Variants in TBRG1 observed in about 807,000 individuals in gnomAD.
The protein encoded by TBRG1 is transforming growth factor beta regulator 1.
TBRG1 carries 31 observed loss-of-function variants against 44.0 expected under a neutral mutation model. The observed-to-expected ratio is 0.70, with a 90% CI of 0.53 to 0.95. TBRG1 has a LOEUF of 0.95. Ranked by LOEUF, TBRG1 falls within the 40% of genes least tolerant of loss-of-function variation. The probability of loss-of-function intolerance (pLI) is 0.00; values close to 1 mark genes in which losing one functional copy is unlikely to be tolerated. For synonymous variants in TBRG1, 171 were observed against 188.1 expected (o/e 0.91, Z 0.74); for missense variants, 487 against 496.1 (o/e 0.98, Z 0.18).
At chr11:124,626,323 C>A in intron 3 of TBRG1, 150 bp from the exon 4 acceptor site, 1 of 737,410 alleles carries the variant, frequency 1.4e-6, no homozygotes, top group Non-Finnish European at 2.2e-6. Context: ...GAAAGCTACT[C>A]AGGGCTTTGG....
chr11:124,633,855 G>A lies in TBRG1; in HGVS notation c.*1617G>A, dbSNP rs1942663158. On this transcript the variant is annotated 3_prime_UTR_variant, in exon 9 of 9. Coordinates refer to ENST00000441174, the MANE Select transcript of TBRG1 (RefSeq NM_032811.3). Reference sequence around the variant, plus strand: ...TAACAAATATTTTCCCACTATTACAGCCTGAGTAATACCCGTATTAAAAGA... The same window carrying A: ...TAACAAATATTTTCCCACTATTACAACCTGAGTAATACCCGTATTAAAAGA... 1 of 152,012 alleles carries A rather than the reference G, an allele frequency of 6.6e-6. No individual in the cohort carries two copies. Among genetic ancestry groups the A allele is most frequent in the Admixed American group, 6.6e-5 (1 of 15,256 alleles). The allele number at this position is 152,012 out of a possible 1,614,324, so 9.4% of individuals were successfully genotyped here. A position where few individuals can be genotyped will look rare whatever the true frequency, so the allele number is the denominator to read the frequency against.
chr11:124,630,479 C>G lies in TBRG1; in HGVS notation c.830C>G (p.Thr277Ser). 1 of 1,610,494 alleles carries G rather than the reference C, an allele frequency of 6.2e-7. No individual in the cohort carries two copies. Among genetic ancestry groups the G allele is most frequent in the East Asian group, 2.2e-5 (1 of 44,838 alleles). The stretch of plus-strand genomic sequence containing the variant: ...GCAGAACTGCTCAGGACTATAAGCA[C>G]TACTATGTAAGTTGACCAAAAGCTT... ...CHAELLRTIS[T>S]TMGKLMPNLL... Residue 277 changes from threonine to serine, a missense_variant, in exon 6 of 9, where the codon ACT becomes AGT. By Grantham distance (58) the Thr-to-Ser change is moderately conservative. Transcript: ENST00000441174.
At chr11:124,624,555 T>C (rs1190345477) in intron 1 of TBRG1, among the ~76,000 whole-genome samples, 1 of 152,178 alleles carries the variant, frequency 6.6e-6, no homozygotes, top group Non-Finnish European at 1.5e-5. Context: ...TTATAGTATT[T>C]AATTTAAGCA....
rs1278212390 is a variant in TBRG1, at chr11:124,633,916, C to T, written c.*1678C>T. On this transcript the variant is annotated 3_prime_UTR_variant, in exon 9 of 9. Transcript: ENST00000441174. ...AGAAAGACATTTAAAATTTTTGGAA[C>T]ATACCACATGTAGAAAGGTTGAACT... is the stretch of plus-strand genomic sequence containing the variant. The T allele has an allele frequency of 1.3e-5, 2 of 152,184 alleles. No homozygotes were observed. The highest frequency in any genetic ancestry group is 2.9e-5 in the Non-Finnish European group (2 of 68,046). 9.4% of individuals were successfully genotyped at this position (152,184 alleles called of 1,614,324 possible). A position where few individuals can be genotyped will look rare whatever the true frequency, so the allele number is the denominator to read the frequency against.
chr11:124,630,289 C>G (rs992551209), intron 5 of TBRG1, 99 bp from the exon 6 acceptor site: 10 of 830,886 alleles, frequency 1.2e-5, no homozygotes, highest in Admixed American at 3.4e-5. Flanking sequence ...TGGTATACGT[C>G]AGCTTCACGT....
At position 124,626,891 on chromosome 11, in the gene TBRG1, A is replaced by G; in HGVS notation, c.592-13A>G. 1 of 1,601,712 alleles carries G rather than the reference A, an allele frequency of 6.2e-7. No individual in the cohort carries two copies. Among genetic ancestry groups the G allele is most frequent in the South Asian group, 1.1e-5 (1 of 88,362 alleles). On this transcript the variant is annotated splice_polypyrimidine_tract_variant and intron_variant, in intron 4 of 8. Coordinates refer to ENST00000441174, the MANE Select transcript of TBRG1 (RefSeq NM_032811.3). ...GTGACCTCAATCCCAGGTTGGGGGAATGTTTTTTATAGATCATCACCGACC... is the reference window on the plus strand; with the variant it reads ...GTGACCTCAATCCCAGGTTGGGGGAGTGTTTTTTATAGATCATCACCGACC...
Position 124,635,894 on chromosome 11 carries a change from T to G in TBRG1, c.*3656T>G, listed in dbSNP as rs1423131522. 3 of 152,244 alleles carry G rather than the reference T, an allele frequency of 2.0e-5. No homozygotes were observed. Among genetic ancestry groups the G allele is most frequent in the East Asian group, 3.8e-4 (2 of 5,204 alleles). The allele number at this position is 152,244 out of a possible 1,614,324, so 9.4% of individuals were successfully genotyped here. ...AATCCATCAGTAAACTGCATTAAGA[T>G]TCTTAATAAACAAACACTGAAGGCC... On this transcript the variant is annotated 3_prime_UTR_variant, in exon 9 of 9. Coordinates refer to ENST00000441174, the MANE Select transcript of TBRG1 (RefSeq NM_032811.3).
rs747472327 is a variant in TBRG1, at chr11:124,626,494, A to G, written c.476A>G (p.Lys159Arg). The stretch of plus-strand genomic sequence containing the variant: ...TCAGTTCTGAAGAAAACATGCAAGA[A>G]AAAGAAAATGGCGGGAGGTGCTCGC... ...KLEVLKKTCK[K>R]KKMAGGARKL... Residue 159 changes from lysine to arginine, a missense_variant, in exon 4 of 9, where the codon AAA (lysine) becomes AGA (arginine). By Grantham distance (26) the Lys-to-Arg change is conservative. Transcript: ENST00000441174. 2 of 1,546,818 alleles carry G rather than the reference A, an allele frequency of 1.3e-6. No individual in the cohort carries two copies. The highest frequency in any genetic ancestry group is 2.4e-5 in the East Asian group (1 of 40,868).
chr11:124,629,207 C>T (rs1336388196), intron 5 of TBRG1, among the ~76,000 whole-genome samples: 3 of 152,136 alleles, frequency 2.0e-5, no homozygotes, highest in Admixed American at 6.5e-5. Flanking sequence ...GGCCTGGTGG[C>T]GTGCGCCTGT....
At position 124,623,019 on chromosome 11, in the gene TBRG1, G is replaced by A. The variant is rs1942372750; in HGVS notation, c.-65G>A. 5.5e-6 allele frequency: 8 copies of A among 1,460,336 alleles called. No individual in the cohort carries two copies. Among genetic ancestry groups the A allele is most frequent in the Middle Eastern group, 2.3e-4 (1 of 4,300 alleles). The allele number at this position is 1,460,336 out of a possible 1,614,324, so 90.5% of individuals were successfully genotyped here. ...CGGAACAGACAAAGCCAGCGCTCCCGCCCGCTCCCCGACTTAGGATCCGAT... is the reference window on the plus strand; with the variant it reads ...CGGAACAGACAAAGCCAGCGCTCCCACCCGCTCCCCGACTTAGGATCCGAT... On this transcript the variant is annotated 5_prime_UTR_variant, in exon 1 of 9. Coordinates refer to ENST00000441174, the MANE Select transcript of TBRG1 (RefSeq NM_032811.3).
At chr11:124,627,286 C>G (rs1403332116) in intron 5 of TBRG1, among the ~76,000 whole-genome samples, 1 of 152,178 alleles carries the variant, frequency 6.6e-6, no homozygotes, top group African/African-American at 2.4e-5. Context: ...TTGAACCATG[C>G]TACTTCAACT....
chr11:124,625,971 A>G (rs1225901133), intron 3 of TBRG1, 68 bp downstream of exon 3: 1 of 1,468,186 alleles, frequency 6.8e-7, no homozygotes, highest in African/African-American at 1.4e-5. Context: ...ACCTGGTACT[A>G]ACTGACAGAC....
At position 124,623,163 on chromosome 11, in the gene TBRG1, A is replaced by AT; in HGVS notation, c.80_81insT (p.Lys27AsnfsTer6). The AT allele has an allele frequency of 6.4e-7, 1 of 1,551,698 alleles. No homozygotes were observed. Among genetic ancestry groups the AT allele is most frequent in the Non-Finnish European group, 8.7e-7 (1 of 1,147,010 alleles). Reference sequence around the variant, plus strand: ...AAGGCCAGGATGAAAAAGCTCCCGAAGAAGAGCCAGAATGAGAAGTACCGG... The same window carrying AT: ...AAGGCCAGGATGAAAAAGCTCCCGAATGAAGAGCCAGAATGAGAAGTACCGG... On this transcript the variant is annotated frameshift_variant, in exon 1 of 9. Coordinates refer to ENST00000441174, the MANE Select transcript of TBRG1 (RefSeq NM_032811.3). LOFTEE classifies it high-confidence loss of function.
At position 124,633,104 on chromosome 11, in the gene TBRG1, A is replaced by T. The variant is rs954336190; in HGVS notation, c.*866A>T. ...TCATCTTTTTCTTCACATTTTGCAC[A>T]TCCTTCAAGGGGATCTTTAACCTCT... On this transcript the variant is annotated 3_prime_UTR_variant, in exon 9 of 9. Coordinates refer to ENST00000441174, the MANE Select transcript of TBRG1 (RefSeq NM_032811.3). The T allele has an allele frequency of 6.7e-6, 1 of 149,076 alleles. No homozygotes were observed. The highest frequency in any genetic ancestry group is 1.9e-4 in the East Asian group (1 of 5,160). The allele number at this position is 149,076 out of a possible 1,614,324, so 9.2% of individuals were successfully genotyped here.
rs567833175 is a variant in TBRG1, at chr11:124,630,203, G to A, written c.739-185G>A. ...GAAGGGTAGAACTGAAACAGTCAAA[G>A]GACTTTCTCTAGGTACTTGGATTTG... On this transcript the variant is annotated intron_variant, in intron 5 of 8. Coordinates refer to ENST00000441174, the MANE Select transcript of TBRG1 (RefSeq NM_032811.3). 1.1e-5 allele frequency: 6 copies of A among 555,584 alleles called. No individual in the cohort carries two copies. The East Asian group carries it at 1.9e-4, about 18-fold the overall frequency. 34.4% of individuals were successfully genotyped at this position (555,584 alleles called of 1,614,324 possible). A position where few individuals can be genotyped will look rare whatever the true frequency, so the allele number is the denominator to read the frequency against.
At chr11:124,626,017 G>C in intron 3 of TBRG1, 114 bp downstream of exon 3, 1 of 1,378,516 alleles carries the variant, frequency 7.3e-7, no homozygotes, top group Non-Finnish European at 9.6e-7. Context: ...GTCTCATCTG[G>C]TTCTTAAGGA....
At chr11:124,624,795 T>C in intron 1 of TBRG1, 136 bp from the exon 2 acceptor site, 1 of 647,932 alleles carries the variant, frequency 1.5e-6, no homozygotes, top group Non-Finnish European at 2.7e-6. Flanking sequence ...TTATTTATAG[T>C]TTGTCACACG....
chr11:124,624,903 G>A (rs1942426595), intron 1 of TBRG1, 28 bp from the exon 2 acceptor site: 2 of 1,393,052 alleles, frequency 1.4e-6, no homozygotes, highest in Non-Finnish European at 2.0e-6. Flanking sequence ...TTCATTTTAT[G>A]TTATTATATT....
rs1942381028 is a variant in TBRG1 at position 124,623,245 on chromosome 11, C to T, written c.150+12C>T. ...AGGCCACGGTGTTTGTGAGTCTGAC[C>T]CACGTTCAGCCGGTCCCCTCCTGGA... On this transcript the variant is annotated intron_variant, in intron 1 of 8. Transcript: ENST00000441174. 1.3e-6 allele frequency: 2 copies of T among 1,551,348 alleles called. No homozygotes were observed. Among genetic ancestry groups the T allele is most frequent in the South Asian group, 1.2e-5 (1 of 84,052 alleles).
Sources: allele counts gnomAD v4.1 joint callset (sites outside exome capture counted in the v4.1 genomes callset), GRCh38; gene constraint gnomAD v4.1.1; transcripts MANE v1.5; gene names NCBI Gene and HGNC (gene_info 2026-07-23, HGNC 2026-07-21).